NVL: variants seen among roughly 807,000 people sequenced by gnomAD.
NVL encodes nuclear VCP like.
Under a neutral mutation model 110.2 loss-of-function variants are expected in NVL, and 84 were observed. The observed-to-expected ratio is 0.76, with a 90% CI of 0.64 to 0.91. The LOEUF (loss-of-function observed/expected upper bound fraction) is 0.91, where lower values mean the gene tolerates loss of function less well. Ranked by LOEUF, NVL falls within the 40% of genes least tolerant of loss-of-function variation. The probability of loss-of-function intolerance (pLI) is 0.00; values close to 1 mark genes in which losing one functional copy is unlikely to be tolerated. For synonymous variants in NVL, 354 were observed against 361.1 expected (o/e 0.98, Z 0.22); for missense variants, 882 against 1,035.9 (o/e 0.85, Z 2.04).
chr1:224,311,950 A>C, intron 4 of NVL, 93 bp from the exon 5 acceptor site: 1 of 954,808 alleles, frequency 1.0e-6, no homozygotes, highest in Non-Finnish European at 1.6e-6. Context: ...TTCAGCCAAA[A>C]GATTATGGTG....
At chr1:224,252,774 G>T (rs1662651337) in intron 18 of NVL, among the ~76,000 whole-genome samples, 1 of 152,190 alleles carries the variant, frequency 6.6e-6, no homozygotes, top group Admixed American at 6.5e-5. Flanking sequence ...ACAGAGCAGA[G>T]GTTGTCAAAT....
At chr1:224,233,497 C>T (rs1371671411) in intron 20 of NVL, among the ~76,000 whole-genome samples, 5 of 152,200 alleles carry the variant, frequency 3.3e-5, no homozygotes, top group African/African-American at 9.7e-5. Context: ...CAGTGGCTCA[C>T]GCCTATAATC....
At position 224,317,625 on chromosome 1, in the gene NVL, G is replaced by A. The variant is rs1353532480; in HGVS notation, c.284+69C>T. On this transcript the variant is annotated intron_variant, in intron 4 of 22. Transcript: ENST00000281701. ...TGTTGGCAATGAAGAGCCACTGAAA[G>A]TTTTACAAGCAGGAATGTAACATGA... 4 of 943,698 alleles carry A rather than the reference G, an allele frequency of 4.2e-6. 1 individual carries two copies. The highest frequency in any genetic ancestry group is 2.8e-5 in the South Asian group (2 of 71,866). The allele number at this position is 943,698 out of a possible 1,614,324, so 58.5% of individuals were successfully genotyped here.
chr1:224,296,601 G>A lies in NVL; in HGVS notation c.1080C>T (p.Ile360=), dbSNP rs202040245. The A allele has an allele frequency of 2.5e-5, 40 of 1,590,666 alleles. 1 individual carries two copies. In the East Asian group the frequency reaches 4.3e-4, roughly 17 times the overall value. ...TAGCATCAATTTCATCAATGAAAAT[G>A]ATACATGGTGCATTTGACTAGAAAT... ...FEQAVSNAPC[I]IFIDEIDAIT... Residue 360 remains isoleucine (I), a synonymous_variant, in exon 11 of 23, where the codon ATC becomes ATT. Transcript: ENST00000281701.
In NVL at chr1:224,317,921, A is replaced by G. The variant is rs747084993; in HGVS notation, c.141T>C (p.Tyr47=). The change falls in exon 3 of 23, where the codon TAT becomes TAC. Residue 47 remains tyrosine (Y), a synonymous_variant. Coordinates refer to ENST00000281701, the MANE Select transcript of NVL (RefSeq NM_002533.4). ...TAAAAGCATTTCTTTTTCTTCGACC[A>G]TAGTCTATACTGAAAAAAGAAAACA... is the stretch of plus-strand genomic sequence containing the variant. ...SDLQRVYSID[Y]GRRKRNAFRI... The G allele has an allele frequency of 3.1e-6, 5 of 1,597,932 alleles. No homozygotes were observed. In the Admixed American group the frequency reaches 6.8e-5, roughly 22 times the overall value.
At chr1:224,233,935 A>AT (rs1047144712) in intron 20 of NVL, among the ~76,000 whole-genome samples, 3 of 152,140 alleles carry the variant, frequency 2.0e-5, no homozygotes, top group African/African-American at 7.2e-5. Context: ...CATGCCTGTA[A>AT]TTCCAGCACT....
At chr1:224,316,070 C>G (rs1315319999) in intron 4 of NVL, among the ~76,000 whole-genome samples, 1 of 151,834 alleles carries the variant, frequency 6.6e-6, no homozygotes. Flanking sequence ...TAGCATGCAC[C>G]CGTATGGGAG....
intron 19 of NVL, among the ~76,000 whole-genome samples, chr1:224,242,682 G>C (rs1661337040): frequency 6.6e-6 from 1 of 151,600 alleles, no homozygotes; most frequent in Non-Finnish European, 1.5e-5. Context: ...TGGTCAAGCT[G>C]GTCTCAAACT....
chr1:224,306,123 G>A (rs1034176328), intron 6 of NVL, among the ~76,000 whole-genome samples: 1 of 152,144 alleles, frequency 6.6e-6, no homozygotes, highest in African/African-American at 2.4e-5. Context: ...CAAGCACACT[G>A]GGACACACCT....
rs143593872 is a variant in NVL, at chr1:224,267,119, G to A, written c.2182+915C>T. Among the ~76,000 whole-genome samples, 7 of 152,270 alleles carry A rather than the reference G, an allele frequency of 4.6e-5. 1 individual carries two copies. The East Asian group carries it at 1.4e-3, about 29-fold the overall frequency. ...CACAGATAGCTTCGGGCAGGGGACT[G>A]ATCACCAGAAAGATCAAGCATGTGA... On this transcript the variant is annotated intron_variant, in intron 18 of 22. Coordinates refer to ENST00000281701, the MANE Select transcript of NVL (RefSeq NM_002533.4).
chr1:224,273,504 T>TA (rs1256483924), intron 17 of NVL, among the ~76,000 whole-genome samples: 2 of 151,598 alleles, frequency 1.3e-5, no homozygotes, highest in East Asian at 1.9e-4. Flanking sequence ...CTTTATTCCT[T>TA]AAAAAAAAGA....
In NVL at chr1:224,285,295, C is replaced by T. The variant is rs11804530; in HGVS notation, c.1899+731G>A. The stretch of plus-strand genomic sequence containing the variant: ...ACTAAAAATACAAAAATTAGCCGGG[C>T]GTGGTGGCGTATGCCTGTAACCCCA... On this transcript the variant is annotated intron_variant, in intron 15 of 22. Transcript: ENST00000281701. Among the ~76,000 whole-genome samples the T allele has an allele frequency of 3.2e-3, 486 of 152,046 alleles. 2 individuals carry two copies. The highest frequency in any genetic ancestry group is 0.011 in the African/African-American group (456 of 41,484).
chr1:224,263,956 G>C (rs1234013160), intron 18 of NVL, among the ~76,000 whole-genome samples: 1 of 152,064 alleles, frequency 6.6e-6, no homozygotes, highest in Non-Finnish European at 1.5e-5. Context: ...CAGAAGTTGC[G>C]GTGAGCCGAG....
Position 224,299,448 on chromosome 1 carries a change from G to A in NVL, c.1062+1114C>T, listed in dbSNP as rs1198554844. 2.6e-5 allele frequency among the ~76,000 whole-genome samples: 4 copies of A among 152,114 alleles called. No homozygotes were observed. The South Asian group carries it at 8.3e-4, about 31-fold the overall frequency. ...CTTTACTGGACTCATTCTCATTAGC[G>A]AAGAGGGGACCAGGAAAAGCGGGGT... is the stretch of plus-strand genomic sequence containing the variant. On this transcript the variant is annotated intron_variant, in intron 10 of 22. Coordinates refer to ENST00000281701, the MANE Select transcript of NVL (RefSeq NM_002533.4).
intron 18 of NVL, among the ~76,000 whole-genome samples, chr1:224,261,169 T>A (rs184042357): frequency 6.6e-6 from 1 of 152,210 alleles, no homozygotes; most frequent in Non-Finnish European, 1.5e-5. Flanking sequence ...CCACTGCACC[T>A]GGCCTAATTT....
chr1:224,261,572 A>G (rs1258589972), intron 18 of NVL, among the ~76,000 whole-genome samples: 1 of 152,170 alleles, frequency 6.6e-6, no homozygotes, highest in Non-Finnish European at 1.5e-5. Context: ...AGGTTAGGGT[A>G]CAAAGAACTG....
chr1:224,310,895 T>G (rs1669452550), intron 5 of NVL, among the ~76,000 whole-genome samples: 2 of 151,952 alleles, frequency 1.3e-5, no homozygotes, highest in African/African-American at 4.8e-5. Context: ...CAGATCCAGC[T>G]AATTTTTATT....
At position 224,234,668 on chromosome 1, in the gene NVL, T is replaced by C. The variant is rs1412396048; in HGVS notation, c.2367-1379A>G. Among the ~76,000 whole-genome samples the C allele has an allele frequency of 3.3e-5, 5 of 152,292 alleles. No homozygotes were observed. The East Asian group carries it at 9.6e-4, about 29-fold the overall frequency. ...ATGTTAGGGTTATAACATTATTTAA[T>C]AATCACATACCTGCTGGGGTATTCA... On this transcript the variant is annotated intron_variant, in intron 20 of 22. Transcript: ENST00000281701.
At chr1:224,244,518 C>G (rs1023232312) in intron 19 of NVL, among the ~76,000 whole-genome samples, 8 of 151,786 alleles carry the variant, frequency 5.3e-5, no homozygotes, top group African/African-American at 1.7e-4. Context: ...GTTGCCCAGG[C>G]TGGAGTGCAG....
Sources: gnomAD v4.1 joint callset for allele counts (sites outside exome capture counted in the v4.1 genomes callset) on GRCh38, gnomAD v4.1.1 for gene constraint, MANE v1.5 for transcripts, NCBI Gene and HGNC (gene_info 2026-07-23, HGNC 2026-07-21) for gene names.